KIAA0825: variants seen among roughly 807,000 people sequenced by gnomAD.
KIAA0825 encodes KIAA0825.
KIAA0825 carries 119 observed loss-of-function variants against 147.6 expected under a neutral mutation model. The ratio of observed to expected loss-of-function variants is 0.81; its 90% CI spans 0.69 to 0.94. The LOEUF (loss-of-function observed/expected upper bound fraction) is 0.94, where lower values mean the gene tolerates loss of function less well. Among genes scored for constraint, KIAA0825 ranks in the 40% least tolerant of loss-of-function variants. KIAA0825 has a pLI of 0.00. For missense variants in KIAA0825, 1,381 were observed against 1,472.7 expected (o/e 0.94, Z 1.02); for synonymous variants, 470 against 518.1 (o/e 0.91, Z 1.26).
At chr5:94,615,043 A>C (rs559661192) in intron 1 of KIAA0825, among the ~76,000 whole-genome samples, 1 of 151,656 alleles carries the variant, frequency 6.6e-6, no homozygotes. Flanking sequence ...AGGTTCAGTG[A>C]CTTATTAGTG....
chr5:94,545,706 A>G (rs551442926), intron 2 of KIAA0825, among the ~76,000 whole-genome samples: 30 of 152,232 alleles, frequency 2.0e-4, no homozygotes, highest in Non-Finnish European at 3.8e-4. Context: ...ATAACTAACA[A>G]CGCTATCCAG....
Position 94,484,770 on chromosome 5 carries a change from TG to T in KIAA0825, c.1130del (p.Ser377Ter). 1 of 1,477,300 alleles carries T rather than the reference TG, an allele frequency of 6.8e-7. No homozygotes were observed. The highest frequency in any genetic ancestry group is 1.4e-5 in the South Asian group (1 of 74,062). The allele number at this position is 1,477,300 out of a possible 1,614,324, so 91.5% of individuals were successfully genotyped here. On this transcript the variant is annotated frameshift_variant and splice_region_variant, in exon 6 of 21. Coordinates refer to ENST00000682413, the MANE Select transcript of KIAA0825 (RefSeq NM_001145678.3). LOFTEE classifies it high-confidence loss of function. ...LLSLKITRDT[S>X]GILEKSDREV... ...AATTTAAACAAAAGAGGATATTACCTGAAGTATCCCTGGTTATCTTGAGTGA... is the reference window on the plus strand; with the variant it reads ...AATTTAAACAAAAGAGGATATTACCTAAGTATCCCTGGTTATCTTGAGTGA...
At chr5:94,271,538 A>G (rs1776987400) in intron 20 of KIAA0825, among the ~76,000 whole-genome samples, 1 of 152,332 alleles carries the variant, frequency 6.6e-6, no homozygotes, top group Middle Eastern at 3.4e-3. Context: ...ACCTGAGGTC[A>G]AGAGTTCGAG....
At chr5:94,519,675 T>C in intron 5 of KIAA0825, 1 of 676,294 alleles carries the variant, frequency 1.5e-6, no homozygotes, top group Non-Finnish European at 1.8e-6. Context: ...TCATAGTTGC[T>C]CATTATTAGA....
chr5:94,427,596 T>C (rs1336667987), intron 14 of KIAA0825, among the ~76,000 whole-genome samples: 3 of 152,230 alleles, frequency 2.0e-5, no homozygotes, highest in Non-Finnish European at 4.4e-5. Context: ...TTAACTACTT[T>C]TTATAAGATT....
intron 5 of KIAA0825, among the ~76,000 whole-genome samples, chr5:94,501,134 A>C (rs768704336): frequency 6.6e-6 from 1 of 152,248 alleles, no homozygotes; most frequent in Non-Finnish European, 1.5e-5. Context: ...CATTAAAGAT[A>C]AAACAAAGTG....
At chr5:94,380,986 C>T (rs1748326819) in intron 20 of KIAA0825, among the ~76,000 whole-genome samples, 1 of 152,146 alleles carries the variant, frequency 6.6e-6, no homozygotes, top group Non-Finnish European at 1.5e-5. Flanking sequence ...CCCCACAGAT[C>T]TCCTCTTTCA....
At chr5:94,477,000 AT>A (rs1236158797) in intron 7 of KIAA0825, 110 bp downstream of exon 7, 7 of 793,484 alleles carry the variant, frequency 8.8e-6, no homozygotes, top group South Asian at 2.2e-5. Flanking sequence ...TTGAAAAATT[AT>A]TTTTTTGTAG....
chr5:94,509,202 C>A (rs1393358977), intron 5 of KIAA0825, among the ~76,000 whole-genome samples: 1 of 152,158 alleles, frequency 6.6e-6, no homozygotes, highest in Non-Finnish European at 1.5e-5. Flanking sequence ...GCAGAGAAAA[C>A]CACAAGGATG....
intron 11 of KIAA0825, among the ~76,000 whole-genome samples, chr5:94,463,412 A>C (rs969429624): frequency 1.3e-5 from 2 of 149,136 alleles, no homozygotes; most frequent in East Asian, 3.9e-4. Context: ...ATAATATATG[A>C]CACATATATA....
intron 20 of KIAA0825, among the ~76,000 whole-genome samples, chr5:94,290,999 A>G (rs1256261466): frequency 6.6e-6 from 1 of 152,164 alleles, no homozygotes; most frequent in African/African-American, 2.4e-5. Flanking sequence ...TTTCTTGTAA[A>G]TATGAATAAG....
chr5:94,331,729 T>C (rs1781289222), intron 20 of KIAA0825, among the ~76,000 whole-genome samples: 1 of 152,090 alleles, frequency 6.6e-6, no homozygotes, highest in South Asian at 2.1e-4. Flanking sequence ...GAAAATCAAT[T>C]AATATAACTC....
chr5:94,161,713 T>C (rs1767603552), intron 20 of KIAA0825, among the ~76,000 whole-genome samples: 1 of 152,212 alleles, frequency 6.6e-6, no homozygotes, highest in African/African-American at 2.4e-5. Context: ...TTGTTTCAAA[T>C]ATTTTATTTG....
At chr5:94,408,337 T>G (rs1752334518) in intron 15 of KIAA0825, among the ~76,000 whole-genome samples, 1 of 151,686 alleles carries the variant, frequency 6.6e-6, no homozygotes, top group South Asian at 2.1e-4. Flanking sequence ...AAATTTTATT[T>G]TATTTTATTT....
chr5:94,446,131 T>G (rs1191277613), intron 13 of KIAA0825, among the ~76,000 whole-genome samples: 1 of 152,208 alleles, frequency 6.6e-6, no homozygotes, highest in Non-Finnish European at 1.5e-5. Context: ...GTTCCCACCA[T>G]TTAATATAGC....
At chr5:94,210,243 C>A (rs1772577679) in intron 20 of KIAA0825, among the ~76,000 whole-genome samples, 1 of 152,170 alleles carries the variant, frequency 6.6e-6, no homozygotes, top group African/African-American at 2.4e-5. Context: ...AAGTCTGCAG[C>A]AGAAACTGGT....
At chr5:94,198,407 G>A (rs967495945) in intron 20 of KIAA0825, among the ~76,000 whole-genome samples, 1 of 151,832 alleles carries the variant, frequency 6.6e-6, no homozygotes, top group Non-Finnish European at 1.5e-5. Flanking sequence ...CAAAGAGAGA[G>A]AGTTTAAATT....
At chr5:94,154,193 G>T in intron 20 of KIAA0825, 69 bp from the exon 21 acceptor site, 1 of 941,512 alleles carries the variant, frequency 1.1e-6, no homozygotes, top group Non-Finnish European at 1.7e-6. Flanking sequence ...AGTTAATCAA[G>T]TCTTGAATAT....
chr5:94,357,819 A>G (rs534416258), intron 20 of KIAA0825, among the ~76,000 whole-genome samples: 48 of 152,322 alleles, frequency 3.2e-4, no homozygotes, highest in African/African-American at 1.1e-3. Flanking sequence ...GTCATTTTCT[A>G]GACAAGTCAA....
Sources: allele counts gnomAD v4.1 joint callset (sites outside exome capture counted in the v4.1 genomes callset), GRCh38; gene constraint gnomAD v4.1.1; transcripts MANE v1.5; gene names NCBI Gene and HGNC (gene_info 2026-07-23, HGNC 2026-07-21).